The following TAOK1 variants were observed in gnomAD, a reference collection of about 807,000 sequenced individuals.
TAOK1 encodes the protein serine/threonine-protein kinase TAO1.
Under a neutral mutation model 138.3 loss-of-function variants are expected in TAOK1, and 21 were observed. That is an observed-to-expected ratio of 0.15 (90% CI 0.11 to 0.22). TAOK1 has a LOEUF of 0.22. TAOK1 is among the 10% of genes least tolerant of loss of function. The pLI is 1.00. For synonymous variants in TAOK1, 361 were observed against 398.4 expected (o/e 0.91, Z 1.12); for missense variants, 651 against 1,227.7 (o/e 0.53, Z 7.02).
intron 2 of TAOK1, among the ~76,000 whole-genome samples, chr17:29,461,764 T>C (rs76831048): frequency 6.7e-5 from 10 of 150,238 alleles, no homozygotes; most frequent in African/African-American, 2.4e-4. Context: ...TTTTTTTTTT[T>C]AATGCTGATT....
intron 1 of TAOK1, among the ~76,000 whole-genome samples, chr17:29,419,906 G>T (rs1182006503): frequency 6.6e-6 from 1 of 151,860 alleles, no homozygotes; most frequent in Non-Finnish European, 1.5e-5. Context: ...TTGAGACAGG[G>T]TCTCACTCTG....
chr17:29,534,103 C>G lies in TAOK1; in HGVS notation c.2362-15C>G, dbSNP rs773670367. ...GGATATATCTTTTTTTTTTCTCTCT[C>G]TCTCTCTGTCTCAGCTGCGTTTGGA... is the stretch of plus-strand genomic sequence containing the variant. On this transcript the variant is annotated splice_polypyrimidine_tract_variant and intron_variant, in intron 18 of 19. Coordinates refer to ENST00000261716, the MANE Select transcript of TAOK1 (RefSeq NM_020791.4). The G allele has an allele frequency of 1.1e-5, 18 of 1,570,756 alleles. No individual in the cohort carries two copies. Among genetic ancestry groups the G allele is most frequent in the Non-Finnish European group, 1.5e-5 (17 of 1,162,282 alleles).
chr17:29,397,742 T>TATGTATATAC (rs1491173840), intron 1 of TAOK1, among the ~76,000 whole-genome samples: 4 of 111,726 alleles, frequency 3.6e-5, no homozygotes, highest in African/African-American at 1.1e-4. Context: ...TATATACACG[T>TATGTATATAC]ATATATACAC....
intron 3 of TAOK1, among the ~76,000 whole-genome samples, chr17:29,473,588 A>G (rs9910334): frequency 0.63 from 92,047 of 147,168 alleles, 29,911 homozygotes; most frequent in East Asian, 0.97. Context: ...GGCAGAGTGA[A>G]ACTCTCAAAA....
intron 10 of TAOK1, among the ~76,000 whole-genome samples, chr17:29,495,172 C>A (rs1598506596): frequency 6.6e-6 from 1 of 152,092 alleles, no homozygotes; most frequent in East Asian, 1.9e-4. Flanking sequence ...TCATAATTCA[C>A]CATCATTAAA....
chr17:29,451,523 A>C lies in TAOK1; in HGVS notation c.-26A>C, dbSNP rs375342320. The C allele has an allele frequency of 6.3e-7, 1 of 1,595,748 alleles. No homozygotes were observed. The highest frequency in any genetic ancestry group is 1.3e-5 in the African/African-American group (1 of 74,082). On this transcript the variant is annotated 5_prime_UTR_variant, in exon 2 of 20. Transcript: ENST00000261716. ...ATCGGGATAGCAGTATAAAATTAGAATCAAGACAGCTGACTGCTCAGCAGG... is the reference window on the plus strand; with the variant it reads ...ATCGGGATAGCAGTATAAAATTAGACTCAAGACAGCTGACTGCTCAGCAGG...
intron 19 of TAOK1, among the ~76,000 whole-genome samples, chr17:29,534,928 GGTGTGTGT>G (rs71138832): frequency 0.19 from 28,509 of 147,220 alleles, 2,911 homozygotes; most frequent in Admixed American, 0.24. Context: ...AGGATACTAA[GGTGTGTGT>G]GTGTGTGTGT....
chr17:29,542,490 A>C (rs1031567641), intron 19 of TAOK1, 71 bp from the exon 20 acceptor site: 1 of 1,373,086 alleles, frequency 7.3e-7, no homozygotes, highest in Non-Finnish European at 9.9e-7. Flanking sequence ...AAGCTGAATA[A>C]TTATTGCTTC....
chr17:29,474,970 C>T (rs545239036), intron 3 of TAOK1, among the ~76,000 whole-genome samples: 23 of 152,084 alleles, frequency 1.5e-4, no homozygotes, highest in Middle Eastern at 3.4e-3. Context: ...GACCGAGTTT[C>T]GCTCTGTCAC....
intron 3 of TAOK1, 35 bp from the exon 4 acceptor site, chr17:29,475,635 C>A: frequency 7.3e-7 from 1 of 1,368,948 alleles, no homozygotes; most frequent in South Asian, 1.2e-5. Flanking sequence ...AGGAAAAGTC[C>A]TGTTCATAAT....
intron 1 of TAOK1, among the ~76,000 whole-genome samples, chr17:29,403,160 C>CAAAAAAAA: frequency 1.7e-5 from 1 of 60,070 alleles, no homozygotes; most frequent in Non-Finnish European, 3.2e-5. Context: ...GATTTTGTCT[C>CAAAAAAAA]AAAAAAAAAA....
intron 1 of TAOK1, among the ~76,000 whole-genome samples, chr17:29,441,681 C>T (rs2029942691): frequency 6.6e-6 from 1 of 152,088 alleles, no homozygotes; most frequent in African/African-American, 2.4e-5. Flanking sequence ...GCAGGTGGAT[C>T]ACGAGGTGAA....
chr17:29,508,238 A>T, intron 14 of TAOK1, 106 bp downstream of exon 14: 1 of 916,368 alleles, frequency 1.1e-6, no homozygotes. Flanking sequence ...TGAACCAAGC[A>T]AATTGGGGAA....
At chr17:29,504,810 C>T (rs1383006925) in intron 13 of TAOK1, among the ~76,000 whole-genome samples, 1 of 152,116 alleles carries the variant, frequency 6.6e-6, no homozygotes, top group African/African-American at 2.4e-5. Flanking sequence ...CATGTGGGGT[C>T]GGGAACATAG....
intron 16 of TAOK1, among the ~76,000 whole-genome samples, chr17:29,520,823 A>T (rs190610940): frequency 6.6e-5 from 10 of 151,884 alleles, no homozygotes; most frequent in Admixed American, 1.3e-4. Flanking sequence ...CAGGAGATCG[A>T]GACCATCCTG....
intron 15 of TAOK1, chr17:29,515,108 G>T (rs994261489): frequency 6.6e-6 from 1 of 151,832 alleles, no homozygotes; most frequent in Non-Finnish European, 1.5e-5. Context: ...TTATGAGCTG[G>T]TATGTAAAAC....
At chr17:29,531,581 G>A (rs1168564923) in intron 18 of TAOK1, among the ~76,000 whole-genome samples, 1 of 151,900 alleles carries the variant, frequency 6.6e-6, no homozygotes, top group Non-Finnish European at 1.5e-5. Context: ...TGCCCAACAT[G>A]GCGAAACCTC....
chr17:29,535,198 C>G (rs1454079164), intron 19 of TAOK1, among the ~76,000 whole-genome samples: 1 of 151,934 alleles, frequency 6.6e-6, no homozygotes, highest in African/African-American at 2.4e-5. Flanking sequence ...GTGGTCCCAG[C>G]TACTTGGGAG....
chr17:29,532,461 G>A (rs1409085345), intron 18 of TAOK1, among the ~76,000 whole-genome samples: 1 of 151,936 alleles, frequency 6.6e-6, no homozygotes, highest in African/African-American at 2.4e-5. Flanking sequence ...GTGAACAAAG[G>A]TCTCTGGTTT....
Sources: gnomAD v4.1 joint callset for allele counts (sites outside exome capture counted in the v4.1 genomes callset) on GRCh38, gnomAD v4.1.1 for gene constraint, MANE v1.5 for transcripts, NCBI Gene and HGNC (gene_info 2026-07-23, HGNC 2026-07-21) for gene names.